Variants in SMC6 observed in about 807,000 individuals in gnomAD.
SMC6 encodes the protein structural maintenance of chromosomes 6, also known as structural maintenance of chromosomes protein 6.
Under a neutral mutation model 142.2 loss-of-function variants are expected in SMC6, and 79 were observed. That is an observed-to-expected ratio of 0.56 (90% CI 0.46 to 0.67). The LOEUF (loss-of-function observed/expected upper bound fraction) is 0.67. Ranked by LOEUF, SMC6 falls within the 30% of genes least tolerant of loss-of-function variation. The probability of loss-of-function intolerance (pLI) is 0.00; values close to 1 mark genes in which losing one functional copy is unlikely to be tolerated. For missense variants in SMC6, 1,072 were observed against 1,284.0 expected, an observed-to-expected ratio of 0.83 and a Z score of 2.52; for synonymous variants, 411 against 412.4, an observed-to-expected ratio of 1.00 and a Z score of 0.04.
rs760480768 is a variant in SMC6 at position 17,752,801 on chromosome 2, CAGG to C, written c.-6+174_-6+176del. 5.0e-4 allele frequency among the ~76,000 whole-genome samples: 76 copies of C among 152,270 alleles called. 1 individual carries two copies. The Middle Eastern group carries it at 0.024, about 48-fold the overall frequency. On this transcript the variant is annotated intron_variant, in intron 2 of 27. Coordinates refer to ENST00000448223, the MANE Select transcript of SMC6 (RefSeq NM_001142286.2). ...GATCACACTGCAACCATATAAAAGTCAGGAGATTTGGGTTTTTCTTTTTTCCTT... is the reference window on the plus strand; with the variant it reads ...GATCACACTGCAACCATATAAAAGTCAGATTTGGGTTTTTCTTTTTTCCTT...
At chr2:17,682,912 A>G (rs1667297964) in intron 24 of SMC6, among the ~76,000 whole-genome samples, 1 of 151,962 alleles carries the variant, frequency 6.6e-6, no homozygotes, top group African/African-American at 2.4e-5. Flanking sequence ...TACAAGCTTA[A>G]GATGGTAGAA....
chr2:17,686,699 T>G (rs1195589004), intron 23 of SMC6, among the ~76,000 whole-genome samples: 1 of 152,144 alleles, frequency 6.6e-6, no homozygotes, highest in Non-Finnish European at 1.5e-5. Flanking sequence ...TCTGTACATG[T>G]ATGACATACA....
chr2:17,693,839 TA>T (rs1258158872), intron 23 of SMC6, among the ~76,000 whole-genome samples: 12 of 151,124 alleles, frequency 7.9e-5, no homozygotes, highest in African/African-American at 2.4e-4. Flanking sequence ...CCACTAAAAA[TA>T]CAAAAATTAG....
intron 26 of SMC6, among the ~76,000 whole-genome samples, chr2:17,668,372 T>C (rs186255776): frequency 3.3e-4 from 50 of 152,296 alleles, no homozygotes; most frequent in African/African-American, 1.0e-3. Context: ...CTCACAGGTA[T>C]AAATTCTGAT....
chr2:17,745,770 G>A, intron 3 of SMC6, 57 bp downstream of exon 3: 1 of 1,521,198 alleles, frequency 6.6e-7, no homozygotes, highest in South Asian at 1.3e-5. Flanking sequence ...AATGTGATAT[G>A]ATGAATGTTA....
rs1043695332 is a variant in SMC6 at position 17,664,529 on chromosome 2, A to G, written c.*970T>C. On this transcript the variant is annotated 3_prime_UTR_variant, in exon 28 of 28. Transcript: ENST00000448223. ...TAAAAAGTTTAGCATGAATCCTAGT[A>G]TCAAACAAATAATACAGGGAGCAAT... 2.0e-5 allele frequency: 3 copies of G among 152,252 alleles called. No individual in the cohort carries two copies. Among genetic ancestry groups the G allele is most frequent in the African/African-American group, 7.2e-5 (3 of 41,464 alleles). 9.4% of individuals were successfully genotyped at this position (152,252 alleles called of 1,614,324 possible). A position where few individuals can be genotyped will look rare whatever the true frequency, so the allele number is the denominator to read the frequency against.
chr2:17,722,447 C>G (rs1424143492), intron 9 of SMC6, among the ~76,000 whole-genome samples: 1 of 152,154 alleles, frequency 6.6e-6, no homozygotes, highest in Non-Finnish European at 1.5e-5. Context: ...ACTTGCTCAT[C>G]TTTCCAACTT....
chr2:17,692,358 A>T (rs1413752641), intron 23 of SMC6, among the ~76,000 whole-genome samples: 1 of 152,200 alleles, frequency 6.6e-6, no homozygotes, highest in Non-Finnish European at 1.5e-5. Flanking sequence ...CAAAACAGAG[A>T]TATAGACCAA....
rs536249920 is a variant in SMC6, at chr2:17,669,374, T to C, written c.3063+1049A>G. 2.6e-5 allele frequency among the ~76,000 whole-genome samples: 4 copies of C among 152,252 alleles called. No individual in the cohort carries two copies. The South Asian group carries it at 6.2e-4, about 24-fold the overall frequency. On this transcript the variant is annotated intron_variant, in intron 26 of 27. Transcript: ENST00000448223. The stretch of plus-strand genomic sequence containing the variant: ...GTCAGGATGTGGTGCTATGAGTTGA[T>C]AGGTATCTGTCCATACGCAGGTAGT...
At chr2:17,704,068 CA>C (rs1173165597) in intron 18 of SMC6, among the ~76,000 whole-genome samples, 8 of 146,348 alleles carry the variant, frequency 5.5e-5, no homozygotes, top group African/African-American at 1.8e-4. Context: ...TAGTGGTAGA[CA>C]GAAGTAGAAA....
At position 17,700,214 on chromosome 2, in the gene SMC6, T is replaced by C; in HGVS notation, c.2388A>G (p.Pro796=). 1 of 1,596,122 alleles carries C rather than the reference T, an allele frequency of 6.3e-7. No homozygotes were observed. Among genetic ancestry groups the C allele is most frequent in the Non-Finnish European group, 8.5e-7 (1 of 1,171,218 alleles). The change falls in exon 21 of 28, where the codon CCA becomes CCG. Residue 796 remains proline, a synonymous_variant. Coordinates refer to ENST00000448223, the MANE Select transcript of SMC6 (RefSeq NM_001142286.2). The part of the protein sequence containing the change: ...KINQLSELAD[P]LKDELNLADS... ...CAGTACCAAAAATATATACCTTAAGTGGGTCTGCTAGCTCCGATAGTTGAT... is the reference window on the plus strand; with the variant it reads ...CAGTACCAAAAATATATACCTTAAGCGGGTCTGCTAGCTCCGATAGTTGAT...
intron 2 of SMC6, among the ~76,000 whole-genome samples, chr2:17,746,591 C>T (rs1670754767): frequency 6.6e-6 from 1 of 150,772 alleles, no homozygotes; most frequent in South Asian, 2.1e-4. Context: ...TAACTCTTCC[C>T]TAAAAAAAAA....
chr2:17,735,184 C>T (rs1670092452), intron 5 of SMC6, among the ~76,000 whole-genome samples: 1 of 152,128 alleles, frequency 6.6e-6, no homozygotes, highest in South Asian at 2.1e-4. Flanking sequence ...CTGCAGTCTT[C>T]CCCTTTACAC....
At chr2:17,718,460 T>C (rs1669217013) in intron 11 of SMC6, among the ~76,000 whole-genome samples, 1 of 152,140 alleles carries the variant, frequency 6.6e-6, no homozygotes. Context: ...ACAAATGTCC[T>C]CAGATAACAC....
At chr2:17,751,449 G>A (rs1381418356) in intron 2 of SMC6, among the ~76,000 whole-genome samples, 4 of 135,682 alleles carry the variant, frequency 2.9e-5, no homozygotes, top group Admixed American at 7.8e-5. Context: ...GGCGACAAGA[G>A]TAAAACTCTG....
At chr2:17,699,555 ACTTT>A (rs1471297158) in intron 21 of SMC6, among the ~76,000 whole-genome samples, 1 of 151,992 alleles carries the variant, frequency 6.6e-6, no homozygotes, top group Admixed American at 6.6e-5. Context: ...CTTTTCCTTC[ACTTT>A]CTAAGACTCC....
intron 5 of SMC6, among the ~76,000 whole-genome samples, chr2:17,737,117 T>C (rs921967425): frequency 3.9e-5 from 6 of 152,162 alleles, no homozygotes; most frequent in Non-Finnish European, 7.4e-5. Flanking sequence ...CCCAAGGCCA[T>C]AGGGCATGGG....
At chr2:17,674,899 C>A (rs982549249) in intron 25 of SMC6, among the ~76,000 whole-genome samples, 5 of 151,962 alleles carry the variant, frequency 3.3e-5, no homozygotes, top group African/African-American at 1.2e-4. Flanking sequence ...TCTTCTCTGT[C>A]CTTATGTTAA....
At chr2:17,746,988 A>T (rs922645243) in intron 2 of SMC6, among the ~76,000 whole-genome samples, 1 of 152,160 alleles carries the variant, frequency 6.6e-6, no homozygotes, top group Non-Finnish European at 1.5e-5. Context: ...CTACCCATGC[A>T]AGCAAAATCC....
Sources: allele counts gnomAD v4.1 joint callset (sites outside exome capture counted in the v4.1 genomes callset), GRCh38; gene constraint gnomAD v4.1.1; transcripts MANE v1.5; gene names NCBI Gene and HGNC (gene_info 2026-07-23, HGNC 2026-07-21).